GRID2: variants seen among roughly 807,000 people sequenced by gnomAD.
GRID2 encodes glutamate ionotropic receptor delta type subunit 2, also known as glutamate receptor ionotropic, delta-2.
In GRID2, 33 loss-of-function variants were observed where a neutral mutation model predicts 114.8. The observed-to-expected ratio is 0.29, with a 90% CI of 0.22 to 0.38. The LOEUF is 0.38. Ranked by LOEUF, GRID2 falls within the 10% of genes least tolerant of loss-of-function variation. GRID2 has a pLI of 1.00. For missense variants in GRID2, 1,184 were observed against 1,257.7 expected (o/e 0.94, Z 0.89); for synonymous variants, 505 against 449.9 (o/e 1.12, Z -1.55).
intron 2 of GRID2, among the ~76,000 whole-genome samples, chr4:92,939,489 C>G (rs529433506): frequency 6.8e-6 from 1 of 146,964 alleles, no homozygotes; most frequent in Non-Finnish European, 1.5e-5. Context: ...GAGTAGATTG[C>G]AAAAATTTTC....
At chr4:93,441,863 C>CA (rs10670834) in intron 10 of GRID2, among the ~76,000 whole-genome samples, 76,003 of 150,690 alleles carry the variant, frequency 0.5, 19,626 homozygotes, top group East Asian at 0.69. Flanking sequence ...TAACTAAGAA[C>CA]AAAAAAAAAT....
intron 2 of GRID2, among the ~76,000 whole-genome samples, chr4:92,931,873 A>G (rs537723954): frequency 1.0e-3 from 151 of 151,344 alleles, no homozygotes; most frequent in African/African-American, 3.6e-3. Context: ...AATGGAAAAA[A>G]GAAGGCCTTT....
At chr4:93,386,966 C>A (rs971195524) in intron 8 of GRID2, among the ~76,000 whole-genome samples, 2 of 152,134 alleles carry the variant, frequency 1.3e-5, no homozygotes, top group Non-Finnish European at 2.9e-5. Context: ...TCCTTGACTG[C>A]AACTCCCGTC....
chr4:93,008,591 G>A (rs1036987497), intron 2 of GRID2, among the ~76,000 whole-genome samples: 8 of 151,888 alleles, frequency 5.3e-5, no homozygotes, highest in Admixed American at 1.3e-4. Context: ...TGTTGCTTGC[G>A]TGTTTTGATG....
intron 2 of GRID2, among the ~76,000 whole-genome samples, chr4:93,000,191 C>T (rs1755453589): frequency 6.6e-6 from 1 of 151,602 alleles, no homozygotes; most frequent in Non-Finnish European, 1.5e-5. Context: ...AATTTACTAA[C>T]TTGGGAAATA....
intron 13 of GRID2, among the ~76,000 whole-genome samples, chr4:93,521,991 A>T (rs1730383650): frequency 6.6e-6 from 1 of 152,214 alleles, no homozygotes; most frequent in African/African-American, 2.4e-5. Flanking sequence ...CATATACAGT[A>T]TCTGTATATT....
chr4:92,777,022 TA>T (rs1273950403), intron 2 of GRID2, among the ~76,000 whole-genome samples: 1 of 151,962 alleles, frequency 6.6e-6, no homozygotes, highest in Non-Finnish European at 1.5e-5. Context: ...AACAATAACT[TA>T]AAAAATTGAA....
chr4:92,452,503 A>T (rs2149079943), intron 1 of GRID2, among the ~76,000 whole-genome samples: 1 of 152,022 alleles, frequency 6.6e-6, no homozygotes, highest in East Asian at 1.9e-4. Flanking sequence ...CTTAGTAGAG[A>T]TGGGGTTTCA....
intron 4 of GRID2, among the ~76,000 whole-genome samples, chr4:93,165,600 G>A (rs1448775626): frequency 6.6e-6 from 1 of 152,112 alleles, no homozygotes; most frequent in East Asian, 1.9e-4. Flanking sequence ...GCTTCCCTAA[G>A]AGCAGAGTCC....
At chr4:93,162,533 T>G (rs1737784601) in intron 4 of GRID2, among the ~76,000 whole-genome samples, 1 of 151,934 alleles carries the variant, frequency 6.6e-6, no homozygotes, top group South Asian at 2.1e-4. Flanking sequence ...GTTTGTATAT[T>G]CCTTTTTAAC....
chr4:93,236,936 T>C (rs1746869872), intron 7 of GRID2, among the ~76,000 whole-genome samples: 1 of 152,086 alleles, frequency 6.6e-6, no homozygotes. Context: ...GAAGTAATGA[T>C]GATAATAGTA....
At chr4:92,360,043 G>C (rs1173266967) in intron 1 of GRID2, among the ~76,000 whole-genome samples, 1 of 151,864 alleles carries the variant, frequency 6.6e-6, no homozygotes, top group African/African-American at 2.4e-5. Flanking sequence ...TCTCCCTCTG[G>C]AGATAAGAAA....
chr4:93,175,825 C>T (rs144754538), intron 4 of GRID2, among the ~76,000 whole-genome samples: 52 of 152,204 alleles, frequency 3.4e-4, no homozygotes, highest in African/African-American at 1.2e-3. Context: ...TTTTGAGGAG[C>T]CTGGTTCTCT....
At position 92,346,794 on chromosome 4, in the gene GRID2, A is replaced by T. The variant is rs77721282; in HGVS notation, c.88+42050A>T. The stretch of plus-strand genomic sequence containing the variant: ...AATAAAATCAGAATATAAAAATTTC[A>T]TATGCAATTAAAAAATTCATGATAA... On this transcript the variant is annotated intron_variant, in intron 1 of 15. Transcript: ENST00000282020. Among the ~76,000 whole-genome samples the T allele has an allele frequency of 6.6e-5, 10 of 152,336 alleles. No homozygotes were observed. In the East Asian group the frequency reaches 1.9e-3, roughly 29 times the overall value.
intron 2 of GRID2, among the ~76,000 whole-genome samples, chr4:93,078,116 C>T (rs926695753): frequency 1.3e-5 from 2 of 152,162 alleles, no homozygotes. Context: ...CTTGGCTCCT[C>T]TTTCTGCCTT....
intron 8 of GRID2, among the ~76,000 whole-genome samples, chr4:93,317,115 T>G (rs2149201509): frequency 6.6e-6 from 1 of 152,244 alleles, no homozygotes; most frequent in Middle Eastern, 3.4e-3. Flanking sequence ...ATGTGGGCTT[T>G]TTATATCTGA....
rs1184003180 is a variant in GRID2 at position 93,638,301 on chromosome 4, C to CT, written c.2360+11884dup. Among the ~76,000 whole-genome samples the CT allele has an allele frequency of 5.2e-3, 402 of 77,318 alleles. 101 individuals carry two copies. The highest frequency in any genetic ancestry group is 8.1e-3 in the Non-Finnish European group (300 of 36,974). The allele number at this position is 77,318 out of a possible 152,430, so 50.7% of individuals were successfully genotyped here. A position where few individuals can be genotyped will look rare whatever the true frequency, so the allele number is the denominator to read the frequency against. Reference sequence around the variant, plus strand: ...AAGAAAACATATTTAAAACTTGCATCTTTTTTTTTTTTTTTTTTAATTATA... The same window carrying CT: ...AAGAAAACATATTTAAAACTTGCATCTTTTTTTTTTTTTTTTTTTAATTATA... On this transcript the variant is annotated intron_variant, in intron 14 of 15. Transcript: ENST00000282020.
chr4:93,063,931 T>A (rs1728030879), intron 2 of GRID2, among the ~76,000 whole-genome samples: 1 of 151,358 alleles, frequency 6.6e-6, no homozygotes, highest in Admixed American at 6.6e-5. Context: ...TTGTTTAAAG[T>A]TAAAGGAATT....
chr4:92,716,828 G>A (rs749161835), intron 2 of GRID2, among the ~76,000 whole-genome samples: 14 of 152,084 alleles, frequency 9.2e-5, no homozygotes, highest in Non-Finnish European at 1.8e-4. Context: ...TGGGAGTCCT[G>A]GAGATTTTTC....
Sources: gnomAD v4.1 joint callset for allele counts (sites outside exome capture counted in the v4.1 genomes callset) on GRCh38, gnomAD v4.1.1 for gene constraint, MANE v1.5 for transcripts, NCBI Gene and HGNC (gene_info 2026-07-23, HGNC 2026-07-21) for gene names.